Variants in VPS35L observed in about 807,000 individuals in gnomAD.
VPS35L encodes VPS35 endosomal protein sorting factor like, also known as VPS35 endosomal protein-sorting factor-like.
VPS35L carries 83 observed loss-of-function variants against 133.0 expected under a neutral mutation model. That is an observed-to-expected ratio of 0.62 (90% CI 0.52 to 0.75). VPS35L has a LOEUF of 0.75. VPS35L is among the 30% of genes least tolerant of loss of function. The pLI, the probability that VPS35L is intolerant of heterozygous loss-of-function variation, is 0.00. For missense variants in VPS35L, 1,083 were observed against 1,206.8 expected (o/e 0.90, Z 1.52); for synonymous variants, 423 against 449.9 (o/e 0.94, Z 0.76).
At chr16:19,588,667 T>C (rs1328205326) in intron 7 of VPS35L, among the ~76,000 whole-genome samples, 2 of 152,340 alleles carry the variant, frequency 1.3e-5, no homozygotes, top group East Asian at 3.9e-4. Flanking sequence ...AATCATTTTC[T>C]GATGCATAAA....
chr16:19,698,502 G>A (rs186632687), intron 29 of VPS35L, among the ~76,000 whole-genome samples: 2 of 152,244 alleles, frequency 1.3e-5, no homozygotes, highest in South Asian at 2.1e-4. Flanking sequence ...CAGCAGCACC[G>A]GGATTCATGT....
intron 12 of VPS35L, 48 bp downstream of exon 12, chr16:19,610,463 T>C (rs758028955): frequency 6.8e-7 from 1 of 1,470,666 alleles, no homozygotes; most frequent in South Asian, 1.2e-5. Flanking sequence ...GCCACCCGTC[T>C]CCTTGAATGT....
chr16:19,613,359 T>TG (rs1249837268), intron 12 of VPS35L, among the ~76,000 whole-genome samples: 1 of 139,696 alleles, frequency 7.2e-6, no homozygotes, highest in African/African-American at 3.4e-5. Context: ...CAGTTCCAAG[T>TG]GGCAAAACCC....
intron 26 of VPS35L, among the ~76,000 whole-genome samples, chr16:19,660,338 A>AT (rs1597404465): frequency 1.3e-5 from 2 of 152,010 alleles, no homozygotes; most frequent in African/African-American, 2.4e-5. Flanking sequence ...AAAAAAAAAA[A>AT]AAATAAAGAA....
chr16:19,691,316 G>T, intron 28 of VPS35L, 37 bp from the exon 29 acceptor site: 1 of 1,557,088 alleles, frequency 6.4e-7, no homozygotes, highest in Non-Finnish European at 8.9e-7. Flanking sequence ...TGGCCGCGGG[G>T]CTTGGGTCTG....
intron 1 of VPS35L, among the ~76,000 whole-genome samples, chr16:19,561,801 T>A (rs1458629339): frequency 6.6e-6 from 1 of 152,118 alleles, no homozygotes; most frequent in Admixed American, 6.6e-5. Context: ...AGTGCACATG[T>A]CTTTTGTTAA....
chr16:19,568,331 C>T (rs1971252786), intron 2 of VPS35L, among the ~76,000 whole-genome samples: 2 of 150,588 alleles, frequency 1.3e-5, no homozygotes, highest in Admixed American at 6.6e-5. Flanking sequence ...GACAGGGTCT[C>T]ACTGTATCGC....
intron 12 of VPS35L, among the ~76,000 whole-genome samples, chr16:19,610,974 A>G (rs552581549): frequency 3.7e-4 from 56 of 152,236 alleles, no homozygotes; most frequent in African/African-American, 1.3e-3. Context: ...TTGTGTATGG[A>G]AAAAATGTAA....
chr16:19,569,411 A>G lies in VPS35L; in HGVS notation c.118-13A>G, dbSNP rs1463896745. On this transcript the variant is annotated splice_polypyrimidine_tract_variant and intron_variant, in intron 2 of 30. Transcript: ENST00000417362. Reference sequence around the variant, plus strand: ...TGGGAGTTCCGTTTTACCTCCAGAAATTTTCCTCACAGGTCACAGAGTCAA... The same window carrying G: ...TGGGAGTTCCGTTTTACCTCCAGAAGTTTTCCTCACAGGTCACAGAGTCAA... 1 of 1,592,214 alleles carries G rather than the reference A, an allele frequency of 6.3e-7. No individual in the cohort carries two copies. Among genetic ancestry groups the G allele is most frequent in the Non-Finnish European group, 8.6e-7 (1 of 1,168,806 alleles).
chr16:19,680,307 A>G (rs1201450379), intron 27 of VPS35L, among the ~76,000 whole-genome samples: 1 of 152,208 alleles, frequency 6.6e-6, no homozygotes. Context: ...AAAAACTACA[A>G]TCCATTCAAC....
At chr16:19,616,300 G>T in intron 13 of VPS35L, 109 bp downstream of exon 13, 1 of 903,238 alleles carries the variant, frequency 1.1e-6, no homozygotes, top group Non-Finnish European at 1.8e-6. Flanking sequence ...CTCTTTAAAT[G>T]TGCAAGCCCT....
At chr16:19,658,089 C>T (rs1227611010) in intron 26 of VPS35L, among the ~76,000 whole-genome samples, 1 of 152,148 alleles carries the variant, frequency 6.6e-6, no homozygotes, top group African/African-American at 2.4e-5. Context: ...AGGGCACGGG[C>T]AAGTCTCCTC....
intron 2 of VPS35L, among the ~76,000 whole-genome samples, chr16:19,567,183 G>T (rs1345638008): frequency 6.6e-6 from 1 of 152,222 alleles, no homozygotes; most frequent in East Asian, 1.9e-4. Flanking sequence ...AAATAGGTAA[G>T]GAGACAGCTT....
intron 24 of VPS35L, among the ~76,000 whole-genome samples, chr16:19,649,275 A>C (rs1273023317): frequency 2.6e-5 from 4 of 152,100 alleles, no homozygotes; most frequent in Non-Finnish European, 5.9e-5. Flanking sequence ...ACAGGCATAA[A>C]CATCAAGCCC....
chr16:19,639,043 G>A lies in VPS35L; in HGVS notation c.1699-972G>A, dbSNP rs970244662. Among the ~76,000 whole-genome samples, 4 of 152,164 alleles carry A rather than the reference G, an allele frequency of 2.6e-5. No individual in the cohort carries two copies. The highest frequency in any genetic ancestry group is 1.9e-4 in the East Asian group (1 of 5,192). On this transcript the variant is annotated intron_variant, in intron 20 of 30. Transcript: ENST00000417362. The surrounding 1 kb of genome is among the most constrained non-coding windows in gnomAD (Gnocchi z 4.1). ...GAACCGAGATTGCACCAGGGCACTC[G>A]AGCCTAGACAACAGAGCGAAACTCT...
intron 9 of VPS35L, among the ~76,000 whole-genome samples, chr16:19,606,067 G>A (rs1387848115): frequency 2.0e-5 from 3 of 152,186 alleles, no homozygotes; most frequent in Admixed American, 6.5e-5. Context: ...TGGAAGGAAA[G>A]CCTAAAGATT....
At chr16:19,608,132 T>G (rs1209290995) in intron 9 of VPS35L, 46 bp from the exon 10 acceptor site, 2 of 1,434,970 alleles carry the variant, frequency 1.4e-6, no homozygotes, top group South Asian at 1.1e-5. Context: ...CTCACACAGA[T>G]CCTGAGATTT....
chr16:19,625,707 T>A (rs1045972708), intron 14 of VPS35L, among the ~76,000 whole-genome samples: 6 of 152,168 alleles, frequency 3.9e-5, no homozygotes, highest in Admixed American at 6.5e-5. Context: ...AGGGTCTCCC[T>A]CTGTCTCCCA....
chr16:19,666,911 T>TCTTCCTTTCTTCCTTTCTTCCTTTCTTC (rs1298668463), intron 26 of VPS35L, among the ~76,000 whole-genome samples: 5 of 53,982 alleles, frequency 9.3e-5, no homozygotes, highest in African/African-American at 5.5e-4. Context: ...TTTCTTTCTT[T>TCTTCCTTTCTTCCTTTCTTCCTTTCTTC]CTTTCTTTCT....
Sources: gnomAD v4.1 joint callset for allele counts (sites outside exome capture counted in the v4.1 genomes callset) on GRCh38, gnomAD v4.1.1 for gene constraint, Gnocchi (gnomAD v3.1) non-coding constraint, MANE v1.5 for transcripts, NCBI Gene and HGNC (gene_info 2026-07-23, HGNC 2026-07-21) for gene names.